PLCB1: variants seen among roughly 807,000 people sequenced by gnomAD.
The protein encoded by PLCB1 is phospholipase C beta 1, also known as 1-phosphatidylinositol 4,5-bisphosphate phosphodiesterase beta-1.
PLCB1 carries 46 observed loss-of-function variants against 161.8 expected under a neutral mutation model. The ratio of observed to expected loss-of-function variants is 0.28; its 90% CI spans 0.22 to 0.36. PLCB1 has a LOEUF of 0.36. PLCB1 is among the 10% of genes least tolerant of loss of function. The pLI is 1.00. For synonymous variants in PLCB1, 517 were observed against 503.7 expected (o/e 1.03, Z -0.35); for missense variants, 1,016 against 1,472.5 (o/e 0.69, Z 5.07).
intron 3 of PLCB1, among the ~76,000 whole-genome samples, chr20:8,486,915 A>G (rs1354257693): frequency 2.6e-5 from 4 of 152,278 alleles, no homozygotes; most frequent in Non-Finnish European, 5.9e-5. Flanking sequence ...TCTGATGTGA[A>G]TAAAGGAAAT....
At chr20:8,295,038 A>T (rs1196976028) in intron 2 of PLCB1, among the ~76,000 whole-genome samples, 1 of 152,198 alleles carries the variant, frequency 6.6e-6, no homozygotes, top group Non-Finnish European at 1.5e-5. Context: ...GCAGTATGAT[A>T]CATTATGTTC....
intron 2 of PLCB1, among the ~76,000 whole-genome samples, chr20:8,284,940 T>C (rs995958138): frequency 3.3e-5 from 5 of 152,172 alleles, no homozygotes; most frequent in African/African-American, 1.2e-4. Context: ...GGTTTGTTCC[T>C]GTACCAGTGG....
chr20:8,875,407 G>A (rs2876147), intron 31 of PLCB1, among the ~76,000 whole-genome samples: 48,364 of 146,412 alleles, frequency 0.33, 8,012 homozygotes, highest in South Asian at 0.51. Context: ...TATACTATAC[G>A]TAGTATATAT....
rs11467692 is a variant in PLCB1 at position 8,548,600 on chromosome 20, CATCT to C, written c.247-79689_247-79686del. On this transcript the variant is annotated intron_variant, in intron 3 of 31. Coordinates refer to ENST00000338037, the MANE Select transcript of PLCB1 (RefSeq NM_015192.4). ...TTTGTCTATTATCTATCCATCTATTCATCTATCTGTCTATCTCTATATGTATATA... is the reference window on the plus strand; with the variant it reads ...TTTGTCTATTATCTATCCATCTATTCATCTGTCTATCTCTATATGTATATA... Among the ~76,000 whole-genome samples the C allele has an allele frequency of 1.6e-3, 238 of 151,310 alleles. 2 individuals are homozygous for C. The highest frequency in any genetic ancestry group is 5.7e-3 in the African/African-American group (233 of 41,184).
chr20:8,259,173 A>G (rs1981571326), intron 2 of PLCB1, among the ~76,000 whole-genome samples: 1 of 152,134 alleles, frequency 6.6e-6, no homozygotes, highest in African/African-American at 2.4e-5. Context: ...CTTGAAGGAC[A>G]TTTGTTTCTA....
chr20:8,229,029 C>T (rs1212001120), intron 2 of PLCB1, among the ~76,000 whole-genome samples: 1 of 152,066 alleles, frequency 6.6e-6, no homozygotes. Flanking sequence ...AACAAATCCC[C>T]CCATGCACCC....
At chr20:8,720,691 T>C (rs1979576819) in intron 14 of PLCB1, among the ~76,000 whole-genome samples, 2 of 152,116 alleles carry the variant, frequency 1.3e-5, no homozygotes, top group Non-Finnish European at 2.9e-5. Context: ...CTTTTTACAG[T>C]AAAGAAAGAC....
chr20:8,233,014 T>C (rs1980140583), intron 2 of PLCB1, among the ~76,000 whole-genome samples: 1 of 152,170 alleles, frequency 6.6e-6, no homozygotes, highest in South Asian at 2.1e-4. Flanking sequence ...GATGGTTGCC[T>C]CAGCCCTGTC....
rs1319601320 is a variant in PLCB1 at position 8,588,517 on chromosome 20, GT to G, written c.247-39776del. ...AAAGAGGTCATTAATGTTAAATGAG[GT>G]CATAAGGGCAGGACCCTAATCCAAT... On this transcript the variant is annotated intron_variant, in intron 3 of 31. Transcript: ENST00000338037. 4.6e-5 allele frequency among the ~76,000 whole-genome samples: 7 copies of G among 152,194 alleles called. No individual in the cohort carries two copies. In the East Asian group the frequency reaches 7.8e-4, roughly 17 times the overall value.
chr20:8,760,858 T>C (rs1428305575), intron 25 of PLCB1, among the ~76,000 whole-genome samples: 2 of 152,248 alleles, frequency 1.3e-5, no homozygotes, highest in Admixed American at 6.5e-5. Context: ...AGAACTGTGA[T>C]ACAGTTTGGA....
intron 9 of PLCB1, among the ~76,000 whole-genome samples, chr20:8,663,426 A>G (rs903361920): frequency 6.6e-6 from 1 of 152,114 alleles, no homozygotes; most frequent in Non-Finnish European, 1.5e-5. Context: ...CCAAAAGCCC[A>G]AATGCCAAAG....
chr20:8,874,308 A>G (rs954212443), intron 31 of PLCB1, among the ~76,000 whole-genome samples: 1 of 151,860 alleles, frequency 6.6e-6, no homozygotes, highest in African/African-American at 2.4e-5. Flanking sequence ...GAAAATGTCT[A>G]CTGAGAAAAC....
intron 31 of PLCB1, among the ~76,000 whole-genome samples, chr20:8,878,028 G>C (rs1021183426): frequency 6.6e-6 from 1 of 152,096 alleles, no homozygotes; most frequent in African/African-American, 2.4e-5. Context: ...TATTTAAAAT[G>C]TTAAAAAGCA....
intron 23 of PLCB1, chr20:8,750,760 T>C (rs1600297537): frequency 1.0e-6 from 1 of 978,058 alleles, no homozygotes; most frequent in African/African-American, 1.7e-5. Flanking sequence ...AGGGAAAGGC[T>C]GGCTCTAACA....
chr20:8,673,761 A>C (rs1990006052), intron 9 of PLCB1, among the ~76,000 whole-genome samples: 1 of 152,156 alleles, frequency 6.6e-6, no homozygotes, highest in African/African-American at 2.4e-5. Flanking sequence ...TTAATACATA[A>C]ATGTTAATAT....
chr20:8,577,225 C>T (rs902986541), intron 3 of PLCB1, among the ~76,000 whole-genome samples: 6 of 150,598 alleles, frequency 4.0e-5, no homozygotes, highest in East Asian at 3.9e-4. Flanking sequence ...GTTGGGAGAT[C>T]GAGACCATCC....
chr20:8,537,430 C>T (rs552035891), intron 3 of PLCB1, among the ~76,000 whole-genome samples: 33 of 152,220 alleles, frequency 2.2e-4, no homozygotes, highest in African/African-American at 7.5e-4. Flanking sequence ...GAGGAAGCTG[C>T]GCATCACCAG....
chr20:8,711,847 A>T (rs1184318622), intron 12 of PLCB1, among the ~76,000 whole-genome samples: 1 of 152,154 alleles, frequency 6.6e-6, no homozygotes, highest in Non-Finnish European at 1.5e-5. Flanking sequence ...ATCCTTCTCA[A>T]CACAGTGACC....
chr20:8,562,144 AG>A (rs1295402855), intron 3 of PLCB1, among the ~76,000 whole-genome samples: 1 of 152,078 alleles, frequency 6.6e-6, no homozygotes, highest in Non-Finnish European at 1.5e-5. Flanking sequence ...GCAGAAATTA[AG>A]ACCTGCTCCT....
Sources: allele counts gnomAD v4.1 joint callset (sites outside exome capture counted in the v4.1 genomes callset), GRCh38; gene constraint gnomAD v4.1.1; transcripts MANE v1.5; gene names NCBI Gene and HGNC (gene_info 2026-07-23, HGNC 2026-07-21).